Variants in CA5A observed in about 807,000 individuals in gnomAD.
CA5A encodes the protein carbonic anhydrase 5A, mitochondrial.
In CA5A, 28 loss-of-function variants were observed where a neutral mutation model predicts 37.1. That is an observed-to-expected ratio of 0.75 (90% CI 0.56 to 1.03). The LOEUF (loss-of-function observed/expected upper bound fraction) is 1.03. CA5A is among the 50% of genes least tolerant of loss of function. The pLI is 0.00. For synonymous variants in CA5A, 171 were observed against 158.4 expected, an observed-to-expected ratio of 1.08 and a Z score of -0.60; for missense variants, 444 against 399.9, an observed-to-expected ratio of 1.11 and a Z score of -0.94.
chr16:87,903,170 C>T (rs1385015989), intron 3 of CA5A, among the ~76,000 whole-genome samples: 3 of 152,160 alleles, frequency 2.0e-5, no homozygotes, highest in African/African-American at 4.8e-5. Flanking sequence ...CGGTGGCTCA[C>T]GCCTATAATC....
chr16:87,889,818 T>C (rs1433411479), intron 6 of CA5A, among the ~76,000 whole-genome samples: 1 of 152,240 alleles, frequency 6.6e-6, no homozygotes, highest in African/African-American at 2.4e-5. Context: ...TTTTATGTAT[T>C]ATCTCACTTG....
At chr16:87,887,952 C>T (rs2055661920), downstream of CA5A, 6 of 911,944 alleles carry the variant, frequency 6.6e-6, no homozygotes, top group South Asian at 6.8e-5. Context: ...GCGTTATGTT[C>T]CCCACGGTAC....
intron 5 of CA5A, chr16:87,893,637 GC>G: frequency 1.6e-6 from 1 of 644,456 alleles, no homozygotes; most frequent in East Asian, 4.4e-5. Context: ...GGAGTGCTGT[GC>G]CCCTGGTGCC....
chr16:87,889,925 A>G (rs1489332973), intron 6 of CA5A, among the ~76,000 whole-genome samples: 2 of 152,392 alleles, frequency 1.3e-5, no homozygotes, highest in East Asian at 3.9e-4. Context: ...ATACTGGTCC[A>G]GTTAGCCCTG....
chr16:87,911,937 G>A lies in CA5A; in HGVS notation c.341-7033C>T, dbSNP rs921414754. 2.0e-5 allele frequency among the ~76,000 whole-genome samples: 3 copies of A among 152,160 alleles called. No individual in the cohort carries two copies. Among genetic ancestry groups the A allele is most frequent in the Non-Finnish European group, 4.4e-5 (3 of 68,020 alleles). On this transcript the variant is annotated intron_variant, in intron 2 of 6. Transcript: ENST00000649794. The surrounding 1 kb of genome is among the most constrained non-coding windows in gnomAD (Gnocchi z 4.6). ...CAAAGTACCTCCCTCACAGTCCCTG[G>A]CACGCAGTGAGAGCTCAAATAATGG...
chr16:87,936,000 G>A (rs761785905), intron 1 of CA5A, among the ~76,000 whole-genome samples: 10 of 151,956 alleles, frequency 6.6e-5, no homozygotes, highest in African/African-American at 1.5e-4. Context: ...GTGAAACCCT[G>A]TCTCTACTAA....
chr16:87,934,424 C>T (rs567811801), intron 1 of CA5A, among the ~76,000 whole-genome samples: 93 of 152,178 alleles, frequency 6.1e-4, no homozygotes, highest in Non-Finnish European at 9.4e-4. Context: ...CAAAATTAGC[C>T]GGATGTGGTG....
At chr16:87,893,057 C>A (rs1261629639) in intron 5 of CA5A, 2 of 1,137,838 alleles carry the variant, frequency 1.8e-6, no homozygotes, top group Non-Finnish European at 2.6e-6. Flanking sequence ...TCACGAAGGC[C>A]ATGCAGTCTC....
chr16:87,919,590 A>T (rs1000684302), intron 2 of CA5A, among the ~76,000 whole-genome samples: 1 of 152,214 alleles, frequency 6.6e-6, no homozygotes, highest in Non-Finnish European at 1.5e-5. Flanking sequence ...GAGCACTCAG[A>T]GCCCTGGCAG....
At chr16:87,896,175 C>T (rs949651984) in intron 5 of CA5A, among the ~76,000 whole-genome samples, 21 of 152,226 alleles carry the variant, frequency 1.4e-4, no homozygotes, top group African/African-American at 4.1e-4. Flanking sequence ...CCCAAAGCCA[C>T]GTTGCCAGTC....
chr16:87,903,590 TGATGATGACAATA>T (rs2055912680), intron 3 of CA5A, among the ~76,000 whole-genome samples: 1 of 152,266 alleles, frequency 6.6e-6, no homozygotes, highest in East Asian at 1.9e-4. Flanking sequence ...AATATGTGTA[TGATGATGACAATA>T]GATATCACTC....
In CA5A at chr16:87,897,164, G is replaced by A. The variant is rs113868151; in HGVS notation, c.618+4748C>T. 8.2e-3 allele frequency among the ~76,000 whole-genome samples: 1,250 copies of A among 152,360 alleles called. 21 individuals carry two copies. The highest frequency in any genetic ancestry group is 0.028 in the African/African-American group (1,174 of 41,580). On this transcript the variant is annotated intron_variant, in intron 5 of 6. Coordinates refer to ENST00000649794, the MANE Select transcript of CA5A (RefSeq NM_001739.2). ...CCAAAGCTAGAAGAGCCCCCACAGGGCACAGAGCCGTTCCCTGGATCCCCT... is the reference window on the plus strand; with the variant it reads ...CCAAAGCTAGAAGAGCCCCCACAGGACACAGAGCCGTTCCCTGGATCCCCT...
At chr16:87,912,517 C>T (rs1378048286) in intron 2 of CA5A, among the ~76,000 whole-genome samples, 3 of 152,220 alleles carry the variant, frequency 2.0e-5, no homozygotes, top group East Asian at 1.9e-4. Context: ...AGAAAAGTCC[C>T]TCATTCATCC....
intron 1 of CA5A, among the ~76,000 whole-genome samples, chr16:87,927,814 T>C (rs1474834874): frequency 6.9e-6 from 1 of 144,716 alleles, no homozygotes. Context: ...TGAGCCGAGA[T>C]CGCGCCACTG....
intron 2 of CA5A, among the ~76,000 whole-genome samples, chr16:87,913,596 G>T (rs1257661860): frequency 6.6e-6 from 1 of 152,020 alleles, no homozygotes; most frequent in African/African-American, 2.4e-5. Flanking sequence ...CTCCACCGTA[G>T]CTCCTTTGAA....
intron 2 of CA5A, among the ~76,000 whole-genome samples, chr16:87,922,124 G>A (rs1347147336): frequency 6.6e-6 from 1 of 152,044 alleles, no homozygotes; most frequent in African/African-American, 2.4e-5. Context: ...GTGAGCCGCC[G>A]GGCCGACAGG....
intron 6 of CA5A, 66 bp from the exon 7 acceptor site, chr16:87,888,338 C>T: frequency 1.4e-6 from 2 of 1,455,672 alleles, no homozygotes; most frequent in Non-Finnish European, 1.9e-6. Context: ...CTGGGTGTCC[C>T]TCAGGCCTTA....
At chr16:87,921,220 G>A (rs1189821656) in intron 2 of CA5A, among the ~76,000 whole-genome samples, 4 of 152,158 alleles carry the variant, frequency 2.6e-5, no homozygotes, top group Non-Finnish European at 5.9e-5. Context: ...TGACCACCGC[G>A]CCTGGCCACT....
chr16:87,896,690 G>C (rs148191347), intron 5 of CA5A, among the ~76,000 whole-genome samples: 2,098 of 152,174 alleles, frequency 0.014, 61 homozygotes, highest in African/African-American at 0.048. Flanking sequence ...GCTCAGGCTG[G>C]AGTGCAATGG....
Sources: allele counts gnomAD v4.1 joint callset (sites outside exome capture counted in the v4.1 genomes callset), GRCh38; gene constraint gnomAD v4.1.1; non-coding constraint Gnocchi (gnomAD v3.1); transcripts MANE v1.5; gene names NCBI Gene and HGNC (gene_info 2026-07-23, HGNC 2026-07-21).